C10orf90: variants seen among roughly 807,000 people sequenced by gnomAD.
The protein encoded by C10orf90 is (E2-independent) E3 ubiquitin-conjugating enzyme FATS.
Under a neutral mutation model 62.5 loss-of-function variants are expected in C10orf90, and 56 were observed. The ratio of observed to expected loss-of-function variants is 0.90; its 90% confidence interval spans 0.72 to 1.12. The LOEUF (loss-of-function observed/expected upper bound fraction) is 1.12. Ranked by LOEUF, C10orf90 falls within the 50% of genes most tolerant of loss-of-function variation. The pLI is 0.00. For missense variants in C10orf90, 970 were observed against 880.4 expected (o/e 1.10, Z -1.29); for synonymous variants, 386 against 340.4 (o/e 1.13, Z -1.47).
chr10:126,522,854 C>A (rs1314422649), intron 2 of C10orf90: 1 of 152,172 alleles, frequency 6.6e-6, no homozygotes, highest in Admixed American at 6.5e-5. Flanking sequence ...CTTGGTGCCA[C>A]CACATTTTAA....
At chr10:126,464,658 A>G (rs780674970) in intron 5 of C10orf90, 38 bp downstream of exon 5, 4 of 1,571,318 alleles carry the variant, frequency 2.5e-6, no homozygotes, top group Admixed American at 1.8e-5. Flanking sequence ...ATCGAATGTC[A>G]AGACCAAATG....
At chr10:126,519,121 G>A (rs1280560181) in intron 2 of C10orf90, among the ~76,000 whole-genome samples, 2 of 152,160 alleles carry the variant, frequency 1.3e-5, no homozygotes, top group East Asian at 3.9e-4. Flanking sequence ...GGAGGGAGGA[G>A]ACACTTGACA....
intron 4 of C10orf90, among the ~76,000 whole-genome samples, chr10:126,492,153 C>T (rs1384860206): frequency 1.3e-5 from 2 of 152,182 alleles, no homozygotes; most frequent in African/African-American, 2.4e-5. Context: ...ATATTAATTG[C>T]TTAGTTTATA....
Position 126,557,203 on chromosome 10 carries a change from C to T in C10orf90, c.314-43264G>A, listed in dbSNP as rs112402655. On this transcript the variant is annotated intron_variant, in intron 2 of 9. Coordinates refer to ENST00000488181, the MANE Select transcript of C10orf90 (RefSeq NM_001350921.2). ...ATTCAGATTAAGAAATAAATGTGGCCGGGTGCGGTGGCTGACACCTGTAAG... is the reference window on the plus strand; with the variant it reads ...ATTCAGATTAAGAAATAAATGTGGCTGGGTGCGGTGGCTGACACCTGTAAG... Among the ~76,000 whole-genome samples the T allele has an allele frequency of 8.8e-4, 134 of 151,940 alleles. 1 individual carries two copies. The highest frequency in any genetic ancestry group is 3.0e-3 in the African/African-American group (125 of 41,450).
chr10:126,634,935 C>G (rs541275781), intron 2 of C10orf90, among the ~76,000 whole-genome samples: 2 of 152,184 alleles, frequency 1.3e-5, no homozygotes. Context: ...AATCCACATT[C>G]CCAAACTTCA....
rs572735607 is a variant in C10orf90, at chr10:126,459,269, G to A, written c.2011-52C>T. ...TTTTTAAGAGCAGTGACACAGAAAG[G>A]CAACGCATCTGTCTGATGCAGCCAA... is the stretch of plus-strand genomic sequence containing the variant. On this transcript the variant is annotated intron_variant, in intron 6 of 9. Coordinates refer to ENST00000488181, the MANE Select transcript of C10orf90 (RefSeq NM_001350921.2). The A allele has an allele frequency of 1.9e-4, 300 of 1,599,688 alleles. 2 individuals carry two copies. The South Asian group carries it at 3.1e-3, about 16-fold the overall frequency.
At chr10:126,567,292 A>G (rs10901635) in intron 2 of C10orf90, among the ~76,000 whole-genome samples, 60,870 of 151,994 alleles carry the variant, frequency 0.4, 12,573 homozygotes, top group Non-Finnish European at 0.45. Context: ...GCATGTCTTC[A>G]CTTGGCTGGA....
chr10:126,586,518 C>T (rs1025195352), intron 2 of C10orf90, among the ~76,000 whole-genome samples: 2 of 152,168 alleles, frequency 1.3e-5, no homozygotes, highest in Admixed American at 1.3e-4. Flanking sequence ...GATTGGAAAC[C>T]GGGTCAGTAA....
intron 4 of C10orf90, among the ~76,000 whole-genome samples, chr10:126,478,873 T>A (rs1861032510): frequency 1.3e-5 from 2 of 152,160 alleles, no homozygotes; most frequent in Admixed American, 1.3e-4. Context: ...CTGGAGGAGA[T>A]CTGAGATGCT....
chr10:126,429,884 G>GGCATAGAA lies in C10orf90; in HGVS notation c.2189-42_2189-35dup, dbSNP rs769135475. 8 of 1,550,388 alleles carry GGCATAGAA rather than the reference G, an allele frequency of 5.2e-6. No individual in the cohort carries two copies. The East Asian group carries it at 1.6e-4, about 30-fold the overall frequency. ...AATAGAAAGAGAATTAAGTTCAGAA[G>GGCATAGAA]GCATAGAATCTCACACATTTCTAGA... On this transcript the variant is annotated intron_variant, in intron 7 of 9. Transcript: ENST00000488181.
chr10:126,510,582 T>G (rs1324053859), intron 3 of C10orf90, among the ~76,000 whole-genome samples: 1 of 152,120 alleles, frequency 6.6e-6, no homozygotes, highest in Non-Finnish European at 1.5e-5. Flanking sequence ...TGGAGAGAGG[T>G]CAGATGAGTG....
At chr10:126,438,934 C>T (rs1227033944) in intron 7 of C10orf90, among the ~76,000 whole-genome samples, 1 of 152,090 alleles carries the variant, frequency 6.6e-6, no homozygotes, top group African/African-American at 2.4e-5. Flanking sequence ...TGCCCCAGAC[C>T]CTGGAGTTGT....
At chr10:126,645,371 C>A (rs528729258) in intron 2 of C10orf90, among the ~76,000 whole-genome samples, 269 of 150,480 alleles carry the variant, frequency 1.8e-3, no homozygotes, top group African/African-American at 6.2e-3. Flanking sequence ...AGTTTGAGAC[C>A]AGGCGAGGCA....
chr10:126,498,383 T>C (rs1406389825), intron 4 of C10orf90, among the ~76,000 whole-genome samples: 2 of 152,302 alleles, frequency 1.3e-5, no homozygotes, highest in East Asian at 3.9e-4. Context: ...GTCCAATATA[T>C]ATTTGCTGAA....
intron 1 of C10orf90, among the ~76,000 whole-genome samples, chr10:126,653,321 A>C (rs1211980032): frequency 2.0e-5 from 3 of 152,314 alleles, no homozygotes; most frequent in African/African-American, 7.2e-5. Flanking sequence ...TCGACTTTGG[A>C]GGCAATCCCC....
At chr10:126,530,018 T>C (rs1864050036) in intron 2 of C10orf90, among the ~76,000 whole-genome samples, 2 of 152,180 alleles carry the variant, frequency 1.3e-5, no homozygotes, top group South Asian at 2.1e-4. Flanking sequence ...CTAAATGAAA[T>C]GTAGTATCTA....
intron 2 of C10orf90, among the ~76,000 whole-genome samples, chr10:126,565,246 TTTA>T (rs780513809): frequency 0.025 from 806 of 32,258 alleles, 16 homozygotes; most frequent in Non-Finnish European, 0.034. Flanking sequence ...TAATATAATA[TTTA>T]TTATATTATA....
At chr10:126,549,957 CT>C (rs1168153149) in intron 2 of C10orf90, among the ~76,000 whole-genome samples, 1,182 of 117,368 alleles carry the variant, frequency 0.01, 13 homozygotes, top group African/African-American at 0.033. Flanking sequence ...GTAAAGCTTT[CT>C]TTTTTTTTTT....
chr10:126,626,253 C>T (rs1271164416), intron 2 of C10orf90, among the ~76,000 whole-genome samples: 3 of 152,154 alleles, frequency 2.0e-5, no homozygotes, highest in African/African-American at 7.2e-5. Flanking sequence ...GCCATTGCCT[C>T]CACTGCTCTG....
Sources: gnomAD v4.1 joint callset for allele counts (sites outside exome capture counted in the v4.1 genomes callset) on GRCh38, gnomAD v4.1.1 for gene constraint, MANE v1.5 for transcripts, NCBI Gene and HGNC (gene_info 2026-07-23, HGNC 2026-07-21) for gene names.